The following LPP variants were observed in gnomAD, a reference collection of about 807,000 sequenced individuals.
LPP encodes LIM domain containing preferred translocation partner in lipoma, also known as lipoma-preferred partner.
In LPP, 38 loss-of-function variants were observed where a neutral mutation model predicts 60.4. That is an observed-to-expected ratio of 0.63 (90% CI 0.49 to 0.83). The LOEUF is 0.83. Among genes scored for constraint, LPP ranks in the 40% least tolerant of loss-of-function variants. The probability of loss-of-function intolerance (pLI) is 0.00; values close to 1 mark genes in which losing one functional copy is unlikely to be tolerated. For synonymous variants in LPP, 328 were observed against 290.8 expected (o/e 1.13, Z -1.30); for missense variants, 902 against 783.6 (o/e 1.15, Z -1.80).
rs190653077 is a variant in LPP at position 188,353,046 on chromosome 3, G to A, written c.-10+11327G>A. Among the ~76,000 whole-genome samples, 275 of 152,240 alleles carry A rather than the reference G, an allele frequency of 1.8e-3. 2 individuals are homozygous for A. The highest frequency in any genetic ancestry group is 6.3e-3 in the African/African-American group (263 of 41,536). ...GCTCTGAACCCTTTTCTGACCTCAC[G>A]TAAGACCTCACCTAAAACTTCCACA... On this transcript the variant is annotated intron_variant, in intron 3 of 11. Coordinates refer to ENST00000617246, the MANE Select transcript of LPP (RefSeq NM_001375462.1).
At chr3:188,749,804 A>G (rs751231913) in intron 8 of LPP, among the ~76,000 whole-genome samples, 2 of 152,188 alleles carry the variant, frequency 1.3e-5, no homozygotes, top group Non-Finnish European at 2.9e-5. Context: ...ATATATCACA[A>G]TTTTAATTTA....
intron 1 of LPP, among the ~76,000 whole-genome samples, chr3:188,167,883 A>G (rs1485343099): frequency 6.6e-6 from 1 of 152,180 alleles, no homozygotes; most frequent in African/African-American, 2.4e-5. Context: ...TAATTTTATA[A>G]CTTGCATTTG....
chr3:188,765,012 A>G (rs1483081822), intron 9 of LPP, among the ~76,000 whole-genome samples: 1 of 152,152 alleles, frequency 6.6e-6, no homozygotes, highest in African/African-American at 2.4e-5. Flanking sequence ...TATGTCATCA[A>G]ATGGCTACAG....
chr3:188,552,137 C>G (rs756313588), intron 6 of LPP, among the ~76,000 whole-genome samples: 9 of 152,176 alleles, frequency 5.9e-5, no homozygotes, highest in Non-Finnish European at 1.3e-4. Flanking sequence ...GTGACCAGCT[C>G]TAATGTTTTA....
intron 7 of LPP, among the ~76,000 whole-genome samples, chr3:188,644,517 C>T (rs1850748264): frequency 6.6e-6 from 1 of 152,036 alleles, no homozygotes; most frequent in South Asian, 2.1e-4. Context: ...TTGGAGGCCG[C>T]TTAGTATAAC....
At chr3:188,266,964 G>T (rs1288468719) in intron 2 of LPP, among the ~76,000 whole-genome samples, 2 of 152,138 alleles carry the variant, frequency 1.3e-5, no homozygotes, top group Non-Finnish European at 2.9e-5. Context: ...TACTCATGAA[G>T]GATTTTGACC....
At chr3:188,585,179 A>G (rs139341726) in intron 6 of LPP, among the ~76,000 whole-genome samples, 1 of 152,336 alleles carries the variant, frequency 6.6e-6, no homozygotes, top group Non-Finnish European at 1.5e-5. Flanking sequence ...ACTCATTTAG[A>G]GAAATCAGAG....
intron 8 of LPP, among the ~76,000 whole-genome samples, chr3:188,749,152 T>G (rs1181111723): frequency 6.6e-6 from 1 of 152,324 alleles, no homozygotes. Flanking sequence ...CTAATTACAA[T>G]GAAAATCTAC....
rs75117157 is a variant in LPP at position 188,213,738 on chromosome 3, C to G, written c.-189-11667C>G. Among the ~76,000 whole-genome samples, 794 of 152,100 alleles carry G rather than the reference C, an allele frequency of 5.2e-3. 3 individuals are homozygous for G. The highest frequency in any genetic ancestry group is 0.029 in the South Asian group (140 of 4,812). On this transcript the variant is annotated intron_variant, in intron 1 of 11. Transcript: ENST00000617246. ...GCAACCTTCTGCTCTCCTTTGCTCC[C>G]TATATCTTTCTCTTTCACGAAAGGG...
At chr3:188,756,446 TCTC>T in intron 8 of LPP, among the ~76,000 whole-genome samples, 1 of 152,096 alleles carries the variant, frequency 6.6e-6, no homozygotes, top group East Asian at 1.9e-4. Context: ...TTGGTACTAT[TCTC>T]CTGGTTTCTC....
chr3:188,179,744 T>C, intron 1 of LPP: 2 of 337,484 alleles, frequency 5.9e-6, no homozygotes, highest in Non-Finnish European at 1.2e-5. Context: ...GTGAGAGCAG[T>C]AGTTAGCTTG....
At chr3:188,819,027 C>CGTGTGTGT (rs59994224) in intron 9 of LPP, among the ~76,000 whole-genome samples, 16 of 142,198 alleles carry the variant, frequency 1.1e-4, no homozygotes, top group South Asian at 4.7e-4. Flanking sequence ...TCATGGGGGT[C>CGTGTGTGT]GTGTGTGTGT....
chr3:188,219,383 A>G lies in LPP; in HGVS notation c.-189-6022A>G, dbSNP rs149071942. Among the ~76,000 whole-genome samples the G allele has an allele frequency of 5.8e-3, 889 of 152,222 alleles. 9 individuals carry two copies. Among genetic ancestry groups the G allele is most frequent in the African/African-American group, 0.02 (844 of 41,524 alleles). On this transcript the variant is annotated intron_variant, in intron 1 of 11. Coordinates refer to ENST00000617246, the MANE Select transcript of LPP (RefSeq NM_001375462.1). Reference sequence around the variant, plus strand: ...GCCGGGGCCCGGAATTTAATATTTAATGAGTCACGGAGGCTCTTAAGATGA... The same window carrying G: ...GCCGGGGCCCGGAATTTAATATTTAGTGAGTCACGGAGGCTCTTAAGATGA...
chr3:188,449,956 C>T lies in LPP; in HGVS notation c.194-34636C>T, dbSNP rs377151109. On this transcript the variant is annotated intron_variant, in intron 4 of 11. Coordinates refer to ENST00000617246, the MANE Select transcript of LPP (RefSeq NM_001375462.1). ...AGTAGCTGGGATTACAGGCGTGCAC[C>T]ACCACGCCTGGCTAATTTTTGTATT... Among the ~76,000 whole-genome samples, 88 of 152,186 alleles carry T rather than the reference C, an allele frequency of 5.8e-4. 1 individual carries two copies. In the South Asian group the frequency reaches 0.015, roughly 26 times the overall value.
intron 8 of LPP, among the ~76,000 whole-genome samples, chr3:188,732,922 A>G (rs188160529): frequency 1.3e-5 from 2 of 152,062 alleles, no homozygotes; most frequent in East Asian, 1.9e-4. Flanking sequence ...TTGTTTGACT[A>G]TTCATTCTGT....
rs938166589 is a variant in LPP, at chr3:188,785,618, G to A, written c.1410+25336G>A. On this transcript the variant is annotated intron_variant, in intron 9 of 11. Transcript: ENST00000617246. Reference sequence around the variant, plus strand: ...TCTTTATCCACTTGTTGATTGATGGGCATTTGGGTTGGTTCCATGATTTTG... The same window carrying A: ...TCTTTATCCACTTGTTGATTGATGGACATTTGGGTTGGTTCCATGATTTTG... 8.7e-5 allele frequency among the ~76,000 whole-genome samples: 13 copies of A among 148,886 alleles called. No homozygotes were observed. The East Asian group carries it at 2.2e-3, about 25-fold the overall frequency.
chr3:188,589,942 C>G (rs1343875711), intron 6 of LPP, among the ~76,000 whole-genome samples: 1 of 152,138 alleles, frequency 6.6e-6, no homozygotes, highest in Non-Finnish European at 1.5e-5. Context: ...TCCCCTTTTG[C>G]TCTGTTTTTG....
intron 2 of LPP, among the ~76,000 whole-genome samples, chr3:188,315,077 CAT>C (rs1491159332): frequency 2.0e-5 from 3 of 151,776 alleles, no homozygotes; most frequent in African/African-American, 4.8e-5. Context: ...AAATTTTTTA[CAT>C]TTTTTTTCTG....
At chr3:188,221,164 T>G (rs1715635016) in intron 1 of LPP, among the ~76,000 whole-genome samples, 1 of 152,186 alleles carries the variant, frequency 6.6e-6, no homozygotes, top group Admixed American at 6.5e-5. Flanking sequence ...TCACTTTCTC[T>G]GAGAACACCC....
Sources: allele counts gnomAD v4.1 joint callset (sites outside exome capture counted in the v4.1 genomes callset), GRCh38; gene constraint gnomAD v4.1.1; transcripts MANE v1.5; gene names NCBI Gene and HGNC (gene_info 2026-07-23, HGNC 2026-07-21).